The following KSR1 variants were observed in gnomAD, a reference collection of about 807,000 sequenced individuals.
KSR1 encodes kinase suppressor of ras 1.
In KSR1, 35 loss-of-function variants were observed where a neutral mutation model predicts 92.9. The ratio of observed to expected loss-of-function variants is 0.38; its 90% CI spans 0.29 to 0.50. The LOEUF (loss-of-function observed/expected upper bound fraction) is 0.50. Among genes scored for constraint, KSR1 ranks in the 20% least tolerant of loss-of-function variants. KSR1 has a pLI of 0.94. For synonymous variants in KSR1, 467 were observed against 472.6 expected, an observed-to-expected ratio of 0.99 and a Z score of 0.15; for missense variants, 972 against 1,158.5, an observed-to-expected ratio of 0.84 and a Z score of 2.34.
chr17:27,542,388 C>T (rs1377541190), intron 1 of KSR1, among the ~76,000 whole-genome samples: 2 of 152,046 alleles, frequency 1.3e-5, no homozygotes, highest in Non-Finnish European at 2.9e-5. Context: ...CAGATTTAAC[C>T]CCCTGCCCTG....
intron 19 of KSR1, 79 bp from the exon 20 acceptor site, chr17:27,621,114 A>G: frequency 2.5e-6 from 1 of 398,426 alleles, no homozygotes; most frequent in Non-Finnish European, 4.4e-6. Context: ...ACCTGTCCAC[A>G]CGTGCCTGAC....
At chr17:27,527,184 AGAAGTATTTGGC>A in intron 1 of KSR1, 1 of 253,914 alleles carries the variant, frequency 3.9e-6, no homozygotes, top group Non-Finnish European at 8.2e-6. Context: ...TCTAGTTCTG[AGAAGTATTTGGC>A]AGGTTTTATA....
chr17:27,555,598 C>G (rs972355817), intron 2 of KSR1, among the ~76,000 whole-genome samples: 6 of 152,126 alleles, frequency 3.9e-5, no homozygotes, highest in African/African-American at 1.2e-4. Context: ...TCAGCCCCCT[C>G]TGTTTTTTAC....
chr17:27,544,772 A>G (rs1048308340), intron 1 of KSR1, among the ~76,000 whole-genome samples: 1 of 152,226 alleles, frequency 6.6e-6, no homozygotes, highest in Non-Finnish European at 1.5e-5. Flanking sequence ...GACGCTACCA[A>G]TGAAAGGTCC....
At chr17:27,549,932 T>A (rs1457122867) in intron 1 of KSR1, among the ~76,000 whole-genome samples, 1 of 152,212 alleles carries the variant, frequency 6.6e-6, no homozygotes, top group East Asian at 1.9e-4. Flanking sequence ...ACCCAGGCAG[T>A]TGGATTCTTC....
intron 1 of KSR1, among the ~76,000 whole-genome samples, chr17:27,532,173 C>T (rs2070565222): frequency 6.6e-6 from 1 of 152,254 alleles, no homozygotes; most frequent in African/African-American, 2.4e-5. Context: ...TTTCAGACAT[C>T]TGAAGATGGG....
intron 1 of KSR1, among the ~76,000 whole-genome samples, chr17:27,513,208 G>A (rs1367443803): frequency 6.6e-6 from 1 of 152,094 alleles, no homozygotes; most frequent in Non-Finnish European, 1.5e-5. Context: ...TTTCATTGCT[G>A]TGTGTTATTC....
chr17:27,602,187 T>C (rs981085082), intron 11 of KSR1, among the ~76,000 whole-genome samples: 1 of 152,206 alleles, frequency 6.6e-6, no homozygotes, highest in African/African-American at 2.4e-5. Flanking sequence ...TTCTATTCCC[T>C]AAGCCAGCTC....
rs2072586451 is a variant in KSR1, at chr17:27,577,971, C to G, written c.520+332C>G. 1 of 432,252 alleles carries G rather than the reference C, an allele frequency of 2.3e-6. No individual in the cohort carries two copies. The highest frequency in any genetic ancestry group is 2.0e-5 in the African/African-American group (1 of 49,440). The allele number at this position is 432,252 out of a possible 1,614,324, so 26.8% of individuals were successfully genotyped here. On this transcript the variant is annotated intron_variant, in intron 3 of 20. Coordinates refer to ENST00000644974, the MANE Select transcript of KSR1 (RefSeq NM_001394583.1). The surrounding 1 kb of genome is among the most constrained non-coding windows in gnomAD (Gnocchi z 4.5). ...TGCCAGCTTCCCACATTCCAGCCCC[C>G]AGCCCTCTCCCCGTCTTCTCCTGTC...
chr17:27,579,356 C>G, intron 3 of KSR1: 1 of 152,258 alleles, frequency 6.6e-6, no homozygotes, highest in East Asian at 1.9e-4. Flanking sequence ...CACTTAGAAC[C>G]TGTGGGACCT....
chr17:27,530,841 A>G (rs1458565436), intron 1 of KSR1, among the ~76,000 whole-genome samples: 5 of 152,234 alleles, frequency 3.3e-5, no homozygotes, highest in Non-Finnish European at 7.3e-5. Flanking sequence ...TTGCTTACGT[A>G]GTTCTTGCCA....
At position 27,623,315 on chromosome 17, in the gene KSR1, A is replaced by G; in HGVS notation, c.2710A>G (p.Ile904Val). 1 of 764,862 alleles carries G rather than the reference A, an allele frequency of 1.3e-6. No homozygotes were observed. The highest frequency in any genetic ancestry group is 2.4e-6 in the Non-Finnish European group (1 of 417,730). The allele number at this position is 764,862 out of a possible 1,614,324, so 47.4% of individuals were successfully genotyped here. A position where few individuals can be genotyped will look rare whatever the true frequency, so the allele number is the denominator to read the frequency against. The change falls in exon 21 of 21, where the codon ATT becomes GTT. Residue 904 changes from isoleucine (I) to valine (V), a missense_variant and splice_region_variant. Coordinates refer to ENST00000644974, the MANE Select transcript of KSR1 (RefSeq NM_001394583.1). ...TCTTGTTTTTGTTCCTCTTTGCAGC[A>G]TTAACAGCAGCAAAGTTGTACCCCG... ...KSSCPILEEY[I>V]NSSKVVPRFE...
Position 27,577,800 on chromosome 17 carries a change from C to T in KSR1, c.520+161C>T, listed in dbSNP as rs1283938192. The T allele has an allele frequency of 1.7e-5, 12 of 717,990 alleles. No homozygotes were observed. Among genetic ancestry groups the T allele is most frequent in the Non-Finnish European group, 2.7e-5 (11 of 400,140 alleles). The allele number at this position is 717,990 out of a possible 1,614,324, so 44.5% of individuals were successfully genotyped here. A position where few individuals can be genotyped will look rare whatever the true frequency, so the allele number is the denominator to read the frequency against. ...GTTCACAGCCTCCTGAGAAGCTCTCCCAGGGTCCTCAGGGCTCTGGATCCT... is the reference window on the plus strand; with the variant it reads ...GTTCACAGCCTCCTGAGAAGCTCTCTCAGGGTCCTCAGGGCTCTGGATCCT... On this transcript the variant is annotated intron_variant, in intron 3 of 20. Transcript: ENST00000644974. The surrounding 1 kb of genome is among the most constrained non-coding windows in gnomAD (Gnocchi z 4.5).
chr17:27,563,290 CT>C (rs2071911027), intron 2 of KSR1, among the ~76,000 whole-genome samples: 1 of 151,940 alleles, frequency 6.6e-6, no homozygotes, highest in South Asian at 2.1e-4. Context: ...TTTTCCTTTT[CT>C]GTTTTTTTGC....
At chr17:27,603,967 A>G in intron 12 of KSR1, 79 bp downstream of exon 12, 1 of 1,403,292 alleles carries the variant, frequency 7.1e-7, no homozygotes. Flanking sequence ...GCCACCTCCC[A>G]CTCCACCTTT....
intron 1 of KSR1, among the ~76,000 whole-genome samples, chr17:27,478,245 T>C (rs1288021758): frequency 6.6e-5 from 10 of 152,014 alleles, no homozygotes; most frequent in African/African-American, 2.4e-4. Flanking sequence ...CACAAACCGG[T>C]ATAAAAGGGG....
chr17:27,516,480 C>T lies in KSR1; in HGVS notation c.232-34088C>T, dbSNP rs114999454. On this transcript the variant is annotated intron_variant, in intron 1 of 20. Transcript: ENST00000644974. ...ACGTCTTCATGTGCCTTTGTCCTCG[C>T]TCCCTTTCTGTGATAGTGCAGAGTA... 7.0e-3 allele frequency among the ~76,000 whole-genome samples: 1,061 copies of T among 152,244 alleles called. 11 individuals are homozygous for T. The highest frequency in any genetic ancestry group is 0.024 in the African/African-American group (1,006 of 41,544).
intron 9 of KSR1, among the ~76,000 whole-genome samples, chr17:27,595,455 T>C (rs2073307803): frequency 6.6e-6 from 1 of 152,256 alleles, no homozygotes; most frequent in Non-Finnish European, 1.5e-5. Flanking sequence ...GTTTTATTTT[T>C]GTGGTTGAGG....
At chr17:27,588,345 T>A (rs1430771459) in intron 5 of KSR1, 130 bp from the exon 6 acceptor site, 1 of 704,286 alleles carries the variant, frequency 1.4e-6, no homozygotes, top group Admixed American at 2.8e-5. Flanking sequence ...TGGACATAGA[T>A]CAGGGAGATG....
Sources: gnomAD v4.1 joint callset for allele counts (sites outside exome capture counted in the v4.1 genomes callset) on GRCh38, gnomAD v4.1.1 for gene constraint, Gnocchi (gnomAD v3.1) non-coding constraint, MANE v1.5 for transcripts, NCBI Gene and HGNC (gene_info 2026-07-23, HGNC 2026-07-21) for gene names.